The following OTUD3 variants were observed in gnomAD, a reference collection of about 807,000 sequenced individuals.
OTUD3 encodes OTU domain-containing protein 3.
In OTUD3, 24 loss-of-function variants were observed where a neutral mutation model predicts 46.2. The ratio of observed to expected loss-of-function variants is 0.52; its 90% CI spans 0.38 to 0.73. The LOEUF (loss-of-function observed/expected upper bound fraction) is 0.73, where lower values mean the gene tolerates loss of function less well. Among genes scored for constraint, OTUD3 ranks in the 30% least tolerant of loss-of-function variants. The probability of loss-of-function intolerance (pLI) is 0.00; values close to 1 mark genes in which losing one functional copy is unlikely to be tolerated. For missense variants in OTUD3, 455 were observed against 523.3 expected (o/e 0.87, Z 1.27); for synonymous variants, 189 against 195.4 (o/e 0.97, Z 0.27).
intron 4 of OTUD3, among the ~76,000 whole-genome samples, chr1:19,898,756 G>A (rs1423999166): frequency 6.6e-6 from 1 of 151,150 alleles, no homozygotes; most frequent in Non-Finnish European, 1.5e-5. Flanking sequence ...TAGCATTATT[G>A]CATAAACCTT....
intron 1 of OTUD3, among the ~76,000 whole-genome samples, chr1:19,887,724 T>C (rs147949017): frequency 7.9e-5 from 12 of 152,324 alleles, no homozygotes; most frequent in African/African-American, 2.4e-4. Flanking sequence ...CCCTGAGCCT[T>C]CTTTAGGCCA....
At chr1:19,897,760 A>G in intron 4 of OTUD3, 98 bp downstream of exon 4, 1 of 1,311,178 alleles carries the variant, frequency 7.6e-7, no homozygotes, top group Non-Finnish European at 1.0e-6. Context: ...GTTTTTGTAG[A>G]AAGTTGGCAT....
rs762949684 is a variant in OTUD3, at chr1:19,909,687, C to T, written c.*1941C>T. On this transcript the variant is annotated 3_prime_UTR_variant, in exon 8 of 8. Coordinates refer to ENST00000375120, the MANE Select transcript of OTUD3 (RefSeq NM_015207.2). ...TATGCCAGAAATTCAGATTAGCAGT[C>T]AGCTTAAGAGAGACTTATTGTCAGA... 4.6e-5 allele frequency: 7 copies of T among 152,338 alleles called. No individual in the cohort carries two copies. The highest frequency in any genetic ancestry group is 5.9e-5 in the Non-Finnish European group (4 of 68,044). 9.4% of individuals were successfully genotyped at this position (152,338 alleles called of 1,614,324 possible). A position where few individuals can be genotyped will look rare whatever the true frequency, so the allele number is the denominator to read the frequency against.
chr1:19,894,115 A>G (rs2045486211), intron 2 of OTUD3, among the ~76,000 whole-genome samples: 1 of 152,348 alleles, frequency 6.6e-6, no homozygotes, highest in African/African-American at 2.4e-5. Flanking sequence ...GAGTTAGTAT[A>G]TTGGAAGTAA....
Position 19,909,923 on chromosome 1 carries a change from A to G in OTUD3, c.*2177A>G, listed in dbSNP as rs2045713030. 1 of 152,372 alleles carries G rather than the reference A, an allele frequency of 6.6e-6. No individual in the cohort carries two copies. The highest frequency in any genetic ancestry group is 6.5e-5 in the Admixed American group (1 of 15,284). 9.4% of individuals were successfully genotyped at this position (152,372 alleles called of 1,614,324 possible). On this transcript the variant is annotated 3_prime_UTR_variant, in exon 8 of 8. Transcript: ENST00000375120. ...ATCAAACGGCTTTAGTAATTTTACT[A>G]CTGGTTTCACAGCTTTTCAGTTACA...
At chr1:19,892,308 A>G (rs1021677218) in intron 2 of OTUD3, among the ~76,000 whole-genome samples, 2 of 152,146 alleles carry the variant, frequency 1.3e-5, no homozygotes. Flanking sequence ...TTGGCTTGTT[A>G]CATTGGTGAG....
chr1:19,886,668 T>A (rs2045365874), intron 1 of OTUD3, among the ~76,000 whole-genome samples: 1 of 152,232 alleles, frequency 6.6e-6, no homozygotes, highest in South Asian at 2.1e-4. Context: ...AGTGACTGAT[T>A]TAGAGTCTAG....
At chr1:19,896,554 G>A (rs534853667) in intron 3 of OTUD3, among the ~76,000 whole-genome samples, 7 of 152,222 alleles carry the variant, frequency 4.6e-5, no homozygotes, top group African/African-American at 1.7e-4. Context: ...AAGCTTCCAC[G>A]CTACTGACAT....
At chr1:19,895,329 A>G (rs2045504945) in intron 3 of OTUD3, among the ~76,000 whole-genome samples, 5 of 152,212 alleles carry the variant, frequency 3.3e-5, no homozygotes, top group Admixed American at 6.5e-5. Flanking sequence ...CCAAGTATAC[A>G]GTTCTATGTG....
chr1:19,894,170 A>G (rs1557676865), intron 2 of OTUD3, among the ~76,000 whole-genome samples, 198 bp from the exon 3 acceptor site: 1 of 152,224 alleles, frequency 6.6e-6, no homozygotes, highest in Non-Finnish European at 1.5e-5. Context: ...TCTTTGCTTT[A>G]TGAATGACTA....
intron 1 of OTUD3, 88 bp from the exon 2 acceptor site, chr1:19,890,297 C>A: frequency 2.3e-6 from 3 of 1,319,524 alleles, no homozygotes; most frequent in Non-Finnish European, 3.2e-6. Context: ...CAAAATATTT[C>A]CATGGATGAT....
At chr1:19,905,984 G>A (rs1034042378) in intron 6 of OTUD3, among the ~76,000 whole-genome samples, 2 of 152,186 alleles carry the variant, frequency 1.3e-5, no homozygotes, top group African/African-American at 4.8e-5. Flanking sequence ...TCAGTATAGT[G>A]TGTACCTGCC....
In OTUD3 at chr1:19,882,592, C is replaced by T; in HGVS notation, c.79C>T (p.Arg27Trp). The change falls in exon 1 of 8, where the codon CGG (arginine) becomes TGG (tryptophan). Residue 27 changes from arginine to tryptophan, a missense_variant. Coordinates refer to ENST00000375120, the MANE Select transcript of OTUD3 (RefSeq NM_015207.2). ...CGAGGCCGAGCGCAAGCGGGACGAG[C>T]GGGCGGCGCGCCGGGCCCTGGCCAA... ...KAEAERKRDE[R>W]AARRALAKER... 2 of 1,418,954 alleles carry T rather than the reference C, an allele frequency of 1.4e-6. No individual in the cohort carries two copies. The highest frequency in any genetic ancestry group is 1.8e-6 in the Non-Finnish European group (2 of 1,090,572). The allele number at this position is 1,418,954 out of a possible 1,614,324, so 87.9% of individuals were successfully genotyped here. A position where few individuals can be genotyped will look rare whatever the true frequency, so the allele number is the denominator to read the frequency against.
intron 6 of OTUD3, among the ~76,000 whole-genome samples, chr1:19,905,555 A>C (rs1439252836): frequency 1.3e-5 from 2 of 151,920 alleles, no homozygotes; most frequent in Non-Finnish European, 2.9e-5. Context: ...AGCCTGACGA[A>C]CATGGTGAAA....
chr1:19,901,505 T>C (rs4654926), intron 4 of OTUD3, among the ~76,000 whole-genome samples: 16,089 of 152,252 alleles, frequency 0.11, 993 homozygotes, highest in Admixed American at 0.15. Context: ...ACCCCTCTTT[T>C]TTTAAAAGTT....
At chr1:19,892,300 G>C (rs1306268777) in intron 2 of OTUD3, among the ~76,000 whole-genome samples, 2 of 152,144 alleles carry the variant, frequency 1.3e-5, no homozygotes, top group African/African-American at 4.8e-5. Flanking sequence ...TTGAAGGCTT[G>C]GCTTGTTACA....
chr1:19,895,517 A>G (rs928385843), intron 3 of OTUD3, among the ~76,000 whole-genome samples: 11 of 152,218 alleles, frequency 7.2e-5, no homozygotes, highest in African/African-American at 2.4e-4. Context: ...AGAATGTCAT[A>G]TTAAAGAATG....
At chr1:19,894,267 C>T (rs1401677179) in intron 2 of OTUD3, 101 bp from the exon 3 acceptor site, 9 of 631,440 alleles carry the variant, frequency 1.4e-5, no homozygotes, top group South Asian at 2.2e-5. Flanking sequence ...AGATATATAT[C>T]GTTGTTTCTT....
intron 4 of OTUD3, among the ~76,000 whole-genome samples, chr1:19,903,350 C>T (rs557588885): frequency 4.6e-5 from 7 of 152,058 alleles, no homozygotes; most frequent in Non-Finnish European, 1.0e-4. Context: ...CTGCACCAGG[C>T]CCATAAATCT....
Sources: gnomAD v4.1 joint callset for allele counts (sites outside exome capture counted in the v4.1 genomes callset) on GRCh38, gnomAD v4.1.1 for gene constraint, MANE v1.5 for transcripts, NCBI Gene and HGNC (gene_info 2026-07-23, HGNC 2026-07-21) for gene names.